XRCC5: variants seen among roughly 807,000 people sequenced by gnomAD.
The protein encoded by XRCC5 is DNA repair protein Ku80.
A neutral mutation model predicts 95.7 loss-of-function variants in XRCC5; 12 were observed. That is an observed-to-expected ratio of 0.13 (90% CI 0.08 to 0.20). The LOEUF (loss-of-function observed/expected upper bound fraction) is 0.20. Among genes scored for constraint, XRCC5 ranks in the 10% least tolerant of loss-of-function variants. The pLI, the probability that XRCC5 is intolerant of heterozygous loss-of-function variation, is 1.00. For synonymous variants in XRCC5, 281 were observed against 290.3 expected, an observed-to-expected ratio of 0.97 and a Z score of 0.33; for missense variants, 595 against 873.9, an observed-to-expected ratio of 0.68 and a Z score of 4.02.
At chr2:216,187,725 G>A (rs1689522567) in intron 16 of XRCC5, among the ~76,000 whole-genome samples, 1 of 146,982 alleles carries the variant, frequency 6.8e-6, no homozygotes, top group Non-Finnish European at 1.5e-5. Flanking sequence ...TTTGGACACA[G>A]CAGACAACTC....
intron 12 of XRCC5, among the ~76,000 whole-genome samples, chr2:216,140,110 G>A (rs1173651931): frequency 9.9e-5 from 15 of 152,186 alleles, no homozygotes; most frequent in Admixed American, 9.2e-4. Flanking sequence ...CCTTGAATTA[G>A]CAAGTTCAAG....
chr2:216,132,465 T>C, intron 10 of XRCC5, 78 bp downstream of exon 10: 1 of 1,427,476 alleles, frequency 7.0e-7, no homozygotes, highest in Non-Finnish European at 9.9e-7. Context: ...TTTGGGGCTT[T>C]TATAGTTTAA....
chr2:216,141,094 C>T (rs1697162697), intron 12 of XRCC5, 92 bp from the exon 13 acceptor site: 1 of 1,490,952 alleles, frequency 6.7e-7, no homozygotes. Flanking sequence ...TATAACCTGC[C>T]AATATTGCCG....
intron 11 of XRCC5, among the ~76,000 whole-genome samples, 176 bp downstream of exon 11, chr2:216,137,401 C>G (rs1697102033): frequency 6.6e-6 from 1 of 152,276 alleles, no homozygotes. Flanking sequence ...AATGCTGATA[C>G]TGGTCTGTGA....
chr2:216,199,729 T>C (rs980126415), intron 19 of XRCC5, among the ~76,000 whole-genome samples: 1 of 151,658 alleles, frequency 6.6e-6, no homozygotes, highest in Non-Finnish European at 1.5e-5. Context: ...AATCTAGTTC[T>C]AGCACTGCCC....
chr2:216,118,772 A>T (rs1465442181), intron 4 of XRCC5, among the ~76,000 whole-genome samples: 1 of 152,198 alleles, frequency 6.6e-6, no homozygotes, highest in Non-Finnish European at 1.5e-5. Flanking sequence ...GAGGCTGGGA[A>T]GGGATATTTT....
intron 5 of XRCC5, among the ~76,000 whole-genome samples, chr2:216,119,392 A>C (rs1013330237): frequency 6.6e-6 from 1 of 152,232 alleles, no homozygotes; most frequent in African/African-American, 2.4e-5. Flanking sequence ...ATCCAGAAGA[A>C]TTGAGCTTAG....
intron 16 of XRCC5, among the ~76,000 whole-genome samples, chr2:216,177,450 T>C (rs910574270): frequency 6.6e-5 from 10 of 152,190 alleles, no homozygotes; most frequent in African/African-American, 2.4e-4. Flanking sequence ...TCTTCAGGTA[T>C]TGGCATTTTA....
intron 2 of XRCC5, among the ~76,000 whole-genome samples, chr2:216,114,570 C>G (rs758396869): frequency 4.0e-5 from 6 of 151,504 alleles, no homozygotes; most frequent in African/African-American, 1.5e-4. Context: ...AATTAGAAAT[C>G]CGTCCCTCTG....
At chr2:216,116,984 A>G in intron 3 of XRCC5, 142 bp downstream of exon 3, 1 of 851,094 alleles carries the variant, frequency 1.2e-6, no homozygotes, top group Middle Eastern at 2.9e-4. Context: ...TAATGTGTTA[A>G]TAGGGTTTAA....
intron 12 of XRCC5, among the ~76,000 whole-genome samples, chr2:216,139,048 G>T (rs1413722316): frequency 6.6e-6 from 1 of 152,118 alleles, no homozygotes; most frequent in Non-Finnish European, 1.5e-5. Context: ...CATCACGGTG[G>T]AGGCAGGCAT....
chr2:216,204,254 C>T, intron 19 of XRCC5, 68 bp from the exon 20 acceptor site: 4 of 1,579,854 alleles, frequency 2.5e-6, no homozygotes, highest in Middle Eastern at 1.7e-4. Flanking sequence ...GCAATGCTAG[C>T]AGATTGTTCC....
At chr2:216,199,011 A>C (rs958503287) in intron 19 of XRCC5, among the ~76,000 whole-genome samples, 1 of 152,184 alleles carries the variant, frequency 6.6e-6, no homozygotes, top group Non-Finnish European at 1.5e-5. Context: ...TGCTTTAGCT[A>C]TTTCTCTTAG....
chr2:216,163,585 A>G (rs576044416), intron 16 of XRCC5, among the ~76,000 whole-genome samples: 10 of 152,054 alleles, frequency 6.6e-5, no homozygotes, highest in Admixed American at 3.9e-4. Flanking sequence ...CGGTGGCATG[A>G]GCCACCGTGC....
At chr2:216,141,149 G>T (rs755410402) in intron 12 of XRCC5, 37 bp from the exon 13 acceptor site, 1 of 1,609,228 alleles carries the variant, frequency 6.2e-7, no homozygotes, top group Non-Finnish European at 8.5e-7. Flanking sequence ...GGAGAATAAT[G>T]GAAATAATCA....
chr2:216,172,464 C>CTTTCCTTTTTTTTTTTT (rs1258491985), intron 16 of XRCC5, among the ~76,000 whole-genome samples: 8 of 70,346 alleles, frequency 1.1e-4, no homozygotes, highest in African/African-American at 5.2e-4. Flanking sequence ...ATCAGCTTTT[C>CTTTCCTTTTTTTTTTTT]TTTTCTTTTT....
chr2:216,148,933 T>C (rs1166845314), intron 14 of XRCC5, among the ~76,000 whole-genome samples: 1 of 152,220 alleles, frequency 6.6e-6, no homozygotes, highest in Non-Finnish European at 1.5e-5. Flanking sequence ...GAAATTGTTG[T>C]TGCTTATCCA....
chr2:216,188,803 C>G (rs1242801998), intron 16 of XRCC5, among the ~76,000 whole-genome samples: 2 of 152,168 alleles, frequency 1.3e-5, no homozygotes, highest in Non-Finnish European at 2.9e-5. Context: ...TGAACATTCT[C>G]TCTCTATTTT....
chr2:216,176,478 A>C (rs1054789398), intron 16 of XRCC5, among the ~76,000 whole-genome samples: 1 of 152,220 alleles, frequency 6.6e-6, no homozygotes, highest in Non-Finnish European at 1.5e-5. Context: ...CAGTTTTAGT[A>C]ATATGTCTTT....
Sources: gnomAD v4.1 joint callset for allele counts (sites outside exome capture counted in the v4.1 genomes callset) on GRCh38, gnomAD v4.1.1 for gene constraint, MANE v1.5 for transcripts, NCBI Gene and HGNC (gene_info 2026-07-23, HGNC 2026-07-21) for gene names.